Variants in ARID4B observed in about 807,000 individuals in gnomAD.
The protein encoded by ARID4B is AT-rich interaction domain 4B.
In ARID4B, 26 loss-of-function variants were observed where a neutral mutation model predicts 147.5. The ratio of observed to expected loss-of-function variants is 0.18; its 90% CI spans 0.13 to 0.24. The LOEUF is 0.24. Among genes scored for constraint, ARID4B ranks in the 10% least tolerant of loss-of-function variants. The pLI is 1.00. For missense variants in ARID4B, 1,179 were observed against 1,511.5 expected (o/e 0.78, Z 3.65); for synonymous variants, 512 against 507.9 (o/e 1.01, Z -0.11).
intron 17 of ARID4B, among the ~76,000 whole-genome samples, chr1:235,204,087 G>A (rs931938585): frequency 4.6e-5 from 7 of 152,130 alleles, no homozygotes; most frequent in African/African-American, 1.7e-4. Context: ...ATTTTGGGAG[G>A]CCAAGGCAGG....
intron 14 of ARID4B, 78 bp downstream of exon 14, chr1:235,221,487 C>A (rs1188133809): frequency 1.4e-6 from 1 of 733,182 alleles, no homozygotes; most frequent in African/African-American, 1.8e-5. Context: ...AAATAATTAA[C>A]CTCAGTTATA....
At chr1:235,219,677 C>A in intron 16 of ARID4B, 116 bp downstream of exon 16, 1 of 808,184 alleles carries the variant, frequency 1.2e-6, no homozygotes. Flanking sequence ...ATGCCAATCA[C>A]TCTATTATTT....
Position 235,181,597 on chromosome 1 carries a change from G to T in ARID4B, c.3322C>A (p.His1108Asn). Residue 1108 changes from histidine (H) to asparagine (N), a missense_variant, in exon 20 of 24, where the codon CAT becomes AAT. By Grantham distance (68) the His-to-Asn change is moderately conservative. Coordinates refer to ENST00000264183, the MANE Select transcript of ARID4B (RefSeq NM_016374.6). ...TTTTCCTTCTCACCTTTTTCAGGAT[G>T]TTCTGGTTCTGGCTGATTACTACTG... is the stretch of plus-strand genomic sequence containing the variant. ...SSSSNQPEPEHPEKACTGQKR... is the reference protein window; with the variant it reads ...SSSSNQPEPENPEKACTGQKR... The T allele has an allele frequency of 1.2e-6, 2 of 1,611,670 alleles. No homozygotes were observed. The highest frequency in any genetic ancestry group is 1.7e-6 in the Non-Finnish European group (2 of 1,179,660).
intron 20 of ARID4B, 24 bp downstream of exon 20, chr1:235,181,561 C>T (rs1664310912): frequency 2.5e-6 from 4 of 1,600,472 alleles, no homozygotes; most frequent in Non-Finnish European, 3.4e-6. Flanking sequence ...TAAAATAAGT[C>T]AACATACACA....
At chr1:235,309,813 C>A (rs1433552743) in intron 2 of ARID4B, among the ~76,000 whole-genome samples, 18 of 151,916 alleles carry the variant, frequency 1.2e-4, no homozygotes. Context: ...GAGACTTTTC[C>A]TTTTGTTCTG....
At chr1:235,217,158 T>C (rs942059322) in intron 16 of ARID4B, among the ~76,000 whole-genome samples, 1 of 152,146 alleles carries the variant, frequency 6.6e-6, no homozygotes, top group African/African-American at 2.4e-5. Flanking sequence ...ATACATTTAA[T>C]ATCACCCTCA....
At chr1:235,311,267 C>T (rs1374069716) in intron 2 of ARID4B, among the ~76,000 whole-genome samples, 2 of 151,536 alleles carry the variant, frequency 1.3e-5, no homozygotes, top group Non-Finnish European at 2.9e-5. Flanking sequence ...GTGGGAGGAT[C>T]GCTTGAGCCC....
chr1:235,213,648 TA>T (rs754714703), intron 17 of ARID4B, 120 bp downstream of exon 17: 13 of 1,083,020 alleles, frequency 1.2e-5, no homozygotes, highest in Non-Finnish European at 1.7e-5. Flanking sequence ...CTATTTTTTA[TA>T]AGGTACTATG....
intron 2 of ARID4B, among the ~76,000 whole-genome samples, chr1:235,287,392 G>A (rs1672048793): frequency 6.6e-6 from 1 of 152,150 alleles, no homozygotes; most frequent in African/African-American, 2.4e-5. Flanking sequence ...AGGGGAGGTT[G>A]TAGTAACAAA....
At chr1:235,241,564 G>A (rs991925826) in intron 7 of ARID4B, among the ~76,000 whole-genome samples, 22 of 152,112 alleles carry the variant, frequency 1.4e-4, no homozygotes, top group African/African-American at 5.1e-4. Flanking sequence ...CTGTTGCCGG[G>A]CTGGAGTGCA....
chr1:235,220,066 A>G (rs1398716523), intron 15 of ARID4B, 98 bp from the exon 16 acceptor site: 4 of 861,082 alleles, frequency 4.6e-6, no homozygotes, highest in Non-Finnish European at 6.5e-6. Context: ...AACCAATTCT[A>G]ATATTAAAAG....
intron 22 of ARID4B, 123 bp downstream of exon 22, chr1:235,175,061 C>A: frequency 2.5e-6 from 2 of 811,276 alleles, no homozygotes; most frequent in African/African-American, 3.4e-5. Context: ...GAGCCAAGAT[C>A]GCACCACCGC....
chr1:235,299,727 G>C (rs1411139337), intron 2 of ARID4B, among the ~76,000 whole-genome samples: 1 of 152,206 alleles, frequency 6.6e-6, no homozygotes, highest in Non-Finnish European at 1.5e-5. Flanking sequence ...TTATGAGTTA[G>C]GAGATCCAAG....
chr1:235,227,876 G>A (rs941847952), intron 11 of ARID4B, among the ~76,000 whole-genome samples: 8 of 141,652 alleles, frequency 5.6e-5, no homozygotes, highest in Middle Eastern at 3.7e-3. Flanking sequence ...ACTGTCACCC[G>A]GGCTGGAGAA....
intron 19 of ARID4B, among the ~76,000 whole-genome samples, chr1:235,183,717 CTTTGT>C (rs527304490): frequency 2.3e-4 from 35 of 151,814 alleles, no homozygotes; most frequent in East Asian, 5.8e-4. Context: ...TTTTTCTTTC[CTTTGT>C]TTTGTTTTGT....
At chr1:235,193,823 A>T (rs1429170980) in intron 19 of ARID4B, among the ~76,000 whole-genome samples, 190 bp downstream of exon 19, 1 of 152,236 alleles carries the variant, frequency 6.6e-6, no homozygotes, top group Non-Finnish European at 1.5e-5. Flanking sequence ...AAAATCAAAA[A>T]AAAATCTGAA....
At chr1:235,185,497 T>C (rs1450657124) in intron 19 of ARID4B, among the ~76,000 whole-genome samples, 1 of 152,232 alleles carries the variant, frequency 6.6e-6, no homozygotes, top group Non-Finnish European at 1.5e-5. Context: ...GGGTCTGCTC[T>C]AACAGCTGTC....
intron 8 of ARID4B, among the ~76,000 whole-genome samples, chr1:235,238,740 G>C (rs1329035251): frequency 2.0e-5 from 3 of 151,872 alleles, no homozygotes; most frequent in Non-Finnish European, 4.4e-5. Flanking sequence ...CCTGTAGTGT[G>C]AGCTACTCAG....
chr1:235,319,305 C>T (rs1457864171), intron 2 of ARID4B, among the ~76,000 whole-genome samples: 2 of 152,004 alleles, frequency 1.3e-5, no homozygotes, highest in Non-Finnish European at 2.9e-5. Flanking sequence ...TCATTTGAGC[C>T]CAGGAGTTCA....
Sources: gnomAD v4.1 joint callset for allele counts (sites outside exome capture counted in the v4.1 genomes callset) on GRCh38, gnomAD v4.1.1 for gene constraint, MANE v1.5 for transcripts, NCBI Gene and HGNC (gene_info 2026-07-23, HGNC 2026-07-21) for gene names.